Variants in WASHC2A observed in about 807,000 individuals in gnomAD.
The protein encoded by WASHC2A is WASH complex subunit 2A.
A neutral mutation model predicts 140.3 loss-of-function variants in WASHC2A; 82 were observed. The observed-to-expected ratio is 0.58, with a 90% CI of 0.49 to 0.70. The LOEUF is 0.70. WASHC2A is among the 30% of genes least tolerant of loss of function. The pLI is 0.00. For synonymous variants in WASHC2A, 340 were observed against 560.8 expected, an observed-to-expected ratio of 0.61 and a Z score of 5.56; for missense variants, 985 against 1,521.8, an observed-to-expected ratio of 0.65 and a Z score of 5.87.
chr10:50,121,289 G>A (rs1842997418), intron 23 of WASHC2A, among the ~76,000 whole-genome samples: 1 of 150,248 alleles, frequency 6.7e-6, no homozygotes, highest in African/African-American at 2.5e-5. Context: ...AATAATTAAA[G>A]TCATTAAGAT....
In WASHC2A at chr10:50,133,274, C is replaced by G; in HGVS notation, c.*329C>G. 2 of 553,386 alleles carry G rather than the reference C, an allele frequency of 3.6e-6. No homozygotes were observed. Among genetic ancestry groups the G allele is most frequent in the Non-Finnish European group, 6.9e-6 (2 of 290,018 alleles). The allele number at this position is 553,386 out of a possible 1,614,324, so 34.3% of individuals were successfully genotyped here. A position where few individuals can be genotyped will look rare whatever the true frequency, so the allele number is the denominator to read the frequency against. ...CATGGGCAGGGAATCCCAGAGATAG[C>G]AAATGCCACCTGACCAGAAGTCTTT... is the stretch of plus-strand genomic sequence containing the variant. On this transcript the variant is annotated 3_prime_UTR_variant, in exon 31 of 31. Coordinates refer to ENST00000282633, the MANE Select transcript of WASHC2A (RefSeq NM_001005751.3).
At position 50,129,930 on chromosome 10, in the gene WASHC2A, C is replaced by A. The variant is rs1284942101; in HGVS notation, c.3599C>A (p.Pro1200His). 6.2e-7 allele frequency: 1 copy of A among 1,611,962 alleles called. No homozygotes were observed. The highest frequency in any genetic ancestry group is 1.1e-5 in the South Asian group (1 of 90,980). ...CCAGCAAAGAAAACAAATCCCTTTC[C>A]TCTCCTGGAAGATGAGGATGACCTC... is the stretch of plus-strand genomic sequence containing the variant. ...PKPAKKTNPF[P>H]LLEDEDDLFT... The change falls in exon 29 of 31, where the codon CCT becomes CAT. Residue 1200 changes from proline (P) to histidine (H), a missense_variant. Transcript: ENST00000282633.
intron 3 of WASHC2A, among the ~76,000 whole-genome samples, chr10:50,075,366 C>G (rs1251364664): frequency 2.6e-5 from 4 of 151,166 alleles, no homozygotes; most frequent in Non-Finnish European, 5.9e-5. Flanking sequence ...GTCCTTAACT[C>G]TAATCATTTT....
Position 50,076,251 on chromosome 10 carries a change from C to T in WASHC2A, c.292-2424C>T, listed in dbSNP as rs141161014. Among the ~76,000 whole-genome samples the T allele has an allele frequency of 7.0e-4, 107 of 152,300 alleles. 1 individual carries two copies. In the East Asian group the frequency reaches 0.016, roughly 23 times the overall value. ...CCTCCTAAAGTGCTGGGATTACAGT[C>T]GTGAGCCACTGCCCCCAGCACGATT... On this transcript the variant is annotated intron_variant, in intron 3 of 30. Transcript: ENST00000282633.
intron 30 of WASHC2A, among the ~76,000 whole-genome samples, chr10:50,131,633 G>T (rs1446371580): frequency 0.014 from 2,131 of 152,276 alleles, 22 homozygotes; most frequent in Middle Eastern, 0.051. Flanking sequence ...CAAGGCAAAT[G>T]CCCGAGAACC....
chr10:50,108,889 G>GAAAAAAAA (rs1182148936), intron 19 of WASHC2A, among the ~76,000 whole-genome samples: 6 of 75,636 alleles, frequency 7.9e-5, no homozygotes, highest in Non-Finnish European at 9.6e-5. Context: ...CTCGAAAAAG[G>GAAAAAAAA]AAAAAAAAAA....
rs1425403394 is a variant in WASHC2A, at chr10:50,087,216, C to T, written c.685-59C>T. The T allele has an allele frequency of 3.1e-6, 5 of 1,610,982 alleles. No individual in the cohort carries two copies. In the African/African-American group the frequency reaches 6.7e-5, roughly 22 times the overall value. ...TGCCCCAGAGACTTAGACCTGCAAT[C>T]ATTTCTGTGCTTCTAAGTAAAGCCC... On this transcript the variant is annotated intron_variant, in intron 7 of 30. Coordinates refer to ENST00000282633, the MANE Select transcript of WASHC2A (RefSeq NM_001005751.3).
chr10:50,090,515 A>AAAAAAAAAAAATATATATATATATAT (rs1214596899), intron 8 of WASHC2A, among the ~76,000 whole-genome samples: 1 of 108,766 alleles, frequency 9.2e-6, no homozygotes, highest in African/African-American at 3.3e-5. Context: ...AAAAAAAAAA[A>AAAAAAAAAAAATATATATATATATAT]ATATATATAT....
rs1839060693 is a variant in WASHC2A, at chr10:50,083,179, C to T, written c.529-893C>T. Among the ~76,000 whole-genome samples the T allele has an allele frequency of 3.6e-5, 4 of 110,582 alleles. 2 individuals carry two copies. Among genetic ancestry groups the T allele is most frequent in the African/African-American group, 7.7e-5 (2 of 26,062 alleles). 72.5% of individuals were successfully genotyped at this position (110,582 alleles called of 152,430 possible). On this transcript the variant is annotated intron_variant, in intron 5 of 30. Transcript: ENST00000282633. ...ACACCCAGCTAATTTTTAGTATTTT[C>T]GGTAGATATTGGGTTTCACCACGTT...
chr10:50,129,132 C>T (rs1338143954), intron 28 of WASHC2A, among the ~76,000 whole-genome samples: 1 of 152,122 alleles, frequency 6.6e-6, no homozygotes, highest in Admixed American at 6.5e-5. Flanking sequence ...AGGTTTCCAG[C>T]AACAGATAAA....
At chr10:50,106,254 C>T (rs1841768989) in intron 18 of WASHC2A, 80 bp from the exon 19 acceptor site, 1 of 1,378,352 alleles carries the variant, frequency 7.3e-7, no homozygotes, top group Admixed American at 2.0e-5. Context: ...AGACTTACTT[C>T]CTTAAAGTTT....
chr10:50,124,163 G>C (rs1554894149), intron 23 of WASHC2A, among the ~76,000 whole-genome samples: 1 of 152,142 alleles, frequency 6.6e-6, no homozygotes, highest in Non-Finnish European at 1.5e-5. Context: ...GGAGTGCAGT[G>C]GCGTGATCTC....
At chr10:50,131,436 GGT>G (rs1203338432) in intron 30 of WASHC2A, among the ~76,000 whole-genome samples, 1 of 152,164 alleles carries the variant, frequency 6.6e-6, no homozygotes, top group African/African-American at 2.4e-5. Context: ...GACTGCCTTG[GGT>G]GTGATGTGGT....
In WASHC2A at chr10:50,119,329, TAGG is replaced by T; in HGVS notation, c.2296-255_2296-253del. On this transcript the variant is annotated intron_variant, in intron 22 of 30. Coordinates refer to ENST00000282633, the MANE Select transcript of WASHC2A (RefSeq NM_001005751.3). ...GGATTATAGCCATCCTATCACTTGA[TAGG>T]AGAGAGGGACCCATGGTCTTAATGC... 1.6e-5 allele frequency among the ~76,000 whole-genome samples: 2 copies of T among 124,852 alleles called. 1 individual carries two copies. The highest frequency in any genetic ancestry group is 1.8e-4 in the Admixed American group (2 of 11,096). The allele number at this position is 124,852 out of a possible 152,430, so 81.9% of individuals were successfully genotyped here. A position where few individuals can be genotyped will look rare whatever the true frequency, so the allele number is the denominator to read the frequency against.
chr10:50,068,061 G>C (rs782261713), intron 1 of WASHC2A, 44 bp from the exon 2 acceptor site: 2 of 1,608,880 alleles, frequency 1.2e-6, no homozygotes, highest in Non-Finnish European at 1.7e-6. Flanking sequence ...CGCCGTCCCT[G>C]CCGCCCTCAG....
chr10:50,101,382 C>G (rs1206609533), intron 17 of WASHC2A, among the ~76,000 whole-genome samples: 2 of 152,310 alleles, frequency 1.3e-5, no homozygotes, highest in Non-Finnish European at 2.9e-5. Flanking sequence ...ATGAAATACA[C>G]ACAGCAGGAA....
chr10:50,087,901 C>T lies in WASHC2A; in HGVS notation c.732+579C>T, dbSNP rs1200142379. 5.0e-4 allele frequency among the ~76,000 whole-genome samples: 75 copies of T among 151,160 alleles called. 1 individual carries two copies. The highest frequency in any genetic ancestry group is 1.8e-3 in the African/African-American group (73 of 41,368). On this transcript the variant is annotated intron_variant, in intron 8 of 30. Transcript: ENST00000282633. ...CATGATCTCAGCTCACTGCAACCTC[C>T]GCCTCCTGGGTTCAAATAATTCTTC...
chr10:50,090,597 A>C (rs1456458146), intron 8 of WASHC2A, among the ~76,000 whole-genome samples, 179 bp from the exon 9 acceptor site: 3 of 146,368 alleles, frequency 2.0e-5, no homozygotes, highest in Admixed American at 6.9e-5. Context: ...CTTAGATTCA[A>C]AGTAAATCTT....
intron 17 of WASHC2A, among the ~76,000 whole-genome samples, chr10:50,101,590 T>G (rs1841184705): frequency 1.3e-5 from 2 of 152,410 alleles, no homozygotes; most frequent in South Asian, 4.1e-4. Context: ...GTGCTTGGCA[T>G]GTTGTAAGCC....
Sources: allele counts gnomAD v4.1 joint callset (sites outside exome capture counted in the v4.1 genomes callset), GRCh38; gene constraint gnomAD v4.1.1; transcripts MANE v1.5; gene names NCBI Gene and HGNC (gene_info 2026-07-23, HGNC 2026-07-21).